The following ANK2 variants were observed in gnomAD, a reference collection of about 807,000 sequenced individuals.
The protein encoded by ANK2 is ankyrin 2.
In ANK2, 83 loss-of-function variants were observed where a neutral mutation model predicts 360.5. That is an observed-to-expected ratio of 0.23 (90% confidence interval 0.19 to 0.28). The LOEUF is 0.28. Among genes scored for constraint, ANK2 ranks in the 10% least tolerant of loss-of-function variants. ANK2 has a pLI of 1.00. For synonymous variants in ANK2, 1,740 were observed against 1,759.5 expected (o/e 0.99, Z 0.28); for missense variants, 4,201 against 4,795.7 (o/e 0.88, Z 3.66).
At position 113,080,236 on chromosome 4, in the gene ANK2, C is replaced by T. The variant is rs76642750; in HGVS notation, c.84+30424C>T. 2.0e-5 allele frequency among the ~76,000 whole-genome samples: 3 copies of T among 152,234 alleles called. No individual in the cohort carries two copies. The East Asian group carries it at 5.8e-4, about 29-fold the overall frequency. On this transcript the variant is annotated intron_variant, in intron 1 of 45. Transcript: ENST00000357077. ...CTTAATGCCTTGATTCTGGAGGATG[C>T]AGTTCTTAGTAACCAGGCTGTGGCC...
chr4:113,375,585 C>T lies in ANK2; in HGVS notation c.11859+2136C>T, dbSNP rs1464605323. Reference sequence around the variant, plus strand: ...CTAAAAATACAAAAAATTAGCCAGGCGTGGTGGCGGGTGCCTGTAGTCCCA... The same window carrying T: ...CTAAAAATACAAAAAATTAGCCAGGTGTGGTGGCGGGTGCCTGTAGTCCCA... On this transcript the variant is annotated intron_variant, in intron 45 of 45. Coordinates refer to ENST00000357077, the MANE Select transcript of ANK2 (RefSeq NM_001148.6). Among the ~76,000 whole-genome samples, 8 of 151,942 alleles carry T rather than the reference C, an allele frequency of 5.3e-5. No homozygotes were observed. The East Asian group carries it at 1.4e-3, about 26-fold the overall frequency.
intron 2 of ANK2, among the ~76,000 whole-genome samples, chr4:112,982,837 A>G (rs2043526195): frequency 6.6e-6 from 1 of 152,208 alleles, no homozygotes; most frequent in African/African-American, 2.4e-5. Context: ...ATAATTTAGT[A>G]TACATTTTGT....
chr4:112,866,824 C>T (rs2150188513), intron 1 of ANK2, among the ~76,000 whole-genome samples: 1 of 152,118 alleles, frequency 6.6e-6, no homozygotes, highest in African/African-American at 2.4e-5. Flanking sequence ...TCTCATAATT[C>T]CGCATTGTCT....
At chr4:113,043,453 A>G (rs183271177) in intron 2 of ANK2, among the ~76,000 whole-genome samples, 2,916 of 151,190 alleles carry the variant, frequency 0.019, 68 homozygotes, top group African/African-American at 0.057. Context: ...AAAAAAAAAA[A>G]AGAGACAGGG....
intron 1 of ANK2, among the ~76,000 whole-genome samples, chr4:113,136,722 C>T (rs1226862729): frequency 6.6e-6 from 1 of 150,480 alleles, no homozygotes; most frequent in African/African-American, 2.4e-5. Context: ...GAAAGATCAG[C>T]TCAGATAGGA....
chr4:113,136,067 A>G (rs1201644898), intron 1 of ANK2, among the ~76,000 whole-genome samples: 1 of 152,164 alleles, frequency 6.6e-6, no homozygotes, highest in African/African-American at 2.4e-5. Context: ...TGCATAAACC[A>G]CTCATATTTT....
chr4:112,980,000 C>G (rs2042632317), intron 2 of ANK2: 1 of 152,322 alleles, frequency 6.6e-6, no homozygotes, highest in African/African-American at 2.4e-5. Context: ...CCCTTTCCGC[C>G]CAGTAACCAG....
intron 26 of ANK2, among the ~76,000 whole-genome samples, chr4:113,320,945 A>G (rs556387849): frequency 5.4e-4 from 83 of 152,324 alleles, no homozygotes; most frequent in African/African-American, 1.9e-3. Flanking sequence ...GCCAGGTACT[A>G]AGAAAAAAGC....
chr4:112,970,649 G>A (rs749831922), intron 2 of ANK2, among the ~76,000 whole-genome samples: 8 of 152,016 alleles, frequency 5.3e-5, no homozygotes, highest in Non-Finnish European at 1.0e-4. Flanking sequence ...AATGTTTCAG[G>A]GCAGCTTATA....
At chr4:112,738,886 CAAAA>C in the ANK2 span, 4 of 668,688 alleles carry the variant, frequency 6.0e-6, no homozygotes, top group African/African-American at 5.4e-5. Flanking sequence ...AACAAACAAA[CAAAA>C]AAACAAAAAA....
chr4:112,827,719 G>A, intron 1 of ANK2: 1 of 528,744 alleles, frequency 1.9e-6, no homozygotes, highest in African/African-American at 1.9e-5. Context: ...CAATATGAAA[G>A]AGCAAACAAA....
chr4:113,240,326 G>A (rs1157945223), intron 7 of ANK2, among the ~76,000 whole-genome samples, 159 bp from the exon 8 acceptor site: 1 of 152,084 alleles, frequency 6.6e-6, no homozygotes, highest in Non-Finnish European at 1.5e-5. Flanking sequence ...GTTTAGTTAT[G>A]TACCACCTTA....
At chr4:113,057,584 C>G (rs895474067) in intron 1 of ANK2, among the ~76,000 whole-genome samples, 5 of 152,118 alleles carry the variant, frequency 3.3e-5, no homozygotes, top group African/African-American at 7.2e-5. Context: ...GATGACTGAG[C>G]CTGTGTCCTT....
In ANK2 at chr4:113,359,232, T is replaced by C; in HGVS notation, c.10614T>C (p.Ile3538=). 6.2e-7 allele frequency: 1 copy of C among 1,613,838 alleles called. No individual in the cohort carries two copies. The highest frequency in any genetic ancestry group is 8.5e-7 in the Non-Finnish European group (1 of 1,179,814). ...AGGACATCTTTGACACAAGGCCCATTTGGGATGAGTCTATTGAGACTCTGA... is the reference window on the plus strand; with the variant it reads ...AGGACATCTTTGACACAAGGCCCATCTGGGATGAGTCTATTGAGACTCTGA... The part of the protein sequence containing the change: ...VPEDIFDTRP[I]WDESIETLIE... Residue 3538 remains isoleucine, a synonymous_variant, in exon 38 of 46, where the codon ATT becomes ATC. Coordinates refer to ENST00000357077, the MANE Select transcript of ANK2 (RefSeq NM_001148.6).
the ANK2 span, among the ~76,000 whole-genome samples, chr4:112,810,139 ATATATATATATATATATATATTTTTT>A: frequency 8.7e-5 from 3 of 34,660 alleles, no homozygotes; most frequent in Non-Finnish European, 1.4e-4. Flanking sequence ...ATATATATAT[ATATATATATATATATATATATTTTTT>A]TTTTTTTTTT....
chr4:113,070,720 C>A (rs1392961062), intron 1 of ANK2, among the ~76,000 whole-genome samples: 1 of 152,076 alleles, frequency 6.6e-6, no homozygotes, highest in South Asian at 2.1e-4. Context: ...CAGCAAAGAT[C>A]CATCAACCTT....
intron 19 of ANK2, 114 bp from the exon 20 acceptor site, chr4:113,288,274 A>T: frequency 4.5e-6 from 4 of 895,308 alleles, no homozygotes; most frequent in Non-Finnish European, 7.0e-6. Context: ...CTTTAGTCAA[A>T]TGGAATCCTA....
At chr4:112,869,048 A>G (rs1276943226) in intron 1 of ANK2, among the ~76,000 whole-genome samples, 2 of 150,644 alleles carry the variant, frequency 1.3e-5, no homozygotes, top group Non-Finnish European at 1.5e-5. Context: ...GCAGTCTCCA[A>G]TTTCTGGGTT....
chr4:112,753,613 G>A, the ANK2 span, among the ~76,000 whole-genome samples: 1 of 152,148 alleles, frequency 6.6e-6, no homozygotes, highest in Non-Finnish European at 1.5e-5. Flanking sequence ...TGATAAAGCA[G>A]GTTGTAGTGA....
Sources: gnomAD v4.1 joint callset for allele counts (sites outside exome capture counted in the v4.1 genomes callset) on GRCh38, gnomAD v4.1.1 for gene constraint, MANE v1.5 for transcripts, NCBI Gene and HGNC (gene_info 2026-07-23, HGNC 2026-07-21) for gene names.